The following SMOC1 variants were observed in gnomAD, a reference collection of about 807,000 sequenced individuals.
SMOC1 encodes the protein SPARC related modular calcium binding 1.
A neutral mutation model predicts 56.3 loss-of-function variants in SMOC1; 22 were observed. The ratio of observed to expected loss-of-function variants is 0.39; its 90% CI spans 0.28 to 0.56. The LOEUF (loss-of-function observed/expected upper bound fraction) is 0.56. SMOC1 is among the 20% of genes least tolerant of loss of function. The probability of loss-of-function intolerance (pLI) is 0.61; values close to 1 mark genes in which losing one functional copy is unlikely to be tolerated. For missense variants in SMOC1, 509 were observed against 565.4 expected, an observed-to-expected ratio of 0.90 and a Z score of 1.01; for synonymous variants, 193 against 215.0, an observed-to-expected ratio of 0.90 and a Z score of 0.89.
chr14:70,013,002 G>A (rs1320785380), intron 9 of SMOC1, among the ~76,000 whole-genome samples: 1 of 152,150 alleles, frequency 6.6e-6, no homozygotes, highest in Admixed American at 6.5e-5. Flanking sequence ...CTTACCCCTA[G>A]CACAGTATTT....
Position 70,030,304 on chromosome 14 carries a change from T to C in SMOC1, c.*46T>C. On this transcript the variant is annotated 3_prime_UTR_variant, in exon 12 of 12. Transcript: ENST00000361956. ...AGGTGGAGAGTCCAGGGAGGCAGGA[T>C]GGATCACCAGACACCTAACCTTCAG... The C allele has an allele frequency of 6.2e-7, 1 of 1,612,356 alleles. No homozygotes were observed. Among genetic ancestry groups the C allele is most frequent in the Non-Finnish European group, 8.5e-7 (1 of 1,179,410 alleles).
intron 3 of SMOC1, among the ~76,000 whole-genome samples, chr14:69,969,517 C>G (rs1883684637): frequency 6.6e-6 from 1 of 152,096 alleles, no homozygotes; most frequent in South Asian, 2.1e-4. Flanking sequence ...CTCACAAGAA[C>G]TCACCCGCTG....
intron 1 of SMOC1, among the ~76,000 whole-genome samples, chr14:69,910,488 G>T (rs758746892): frequency 4.6e-5 from 7 of 152,206 alleles, no homozygotes; most frequent in Non-Finnish European, 7.3e-5. Context: ...GGCCAGGCAG[G>T]AGGCATGAAG....
chr14:70,013,318 G>A (rs889834484), intron 9 of SMOC1, 68 bp from the exon 10 acceptor site: 1 of 1,369,598 alleles, frequency 7.3e-7, no homozygotes, highest in African/African-American at 1.4e-5. Context: ...GGAAAGGATG[G>A]TAGTTGAGAA....
At chr14:69,910,232 C>T (rs894000558) in intron 1 of SMOC1, among the ~76,000 whole-genome samples, 5 of 152,238 alleles carry the variant, frequency 3.3e-5, no homozygotes, top group Non-Finnish European at 5.9e-5. Flanking sequence ...TTCCCACTTA[C>T]GATTGAGCAA....
intron 5 of SMOC1, among the ~76,000 whole-genome samples, chr14:69,981,888 G>A (rs1447692850): frequency 6.6e-6 from 1 of 152,204 alleles, no homozygotes; most frequent in Non-Finnish European, 1.5e-5. Context: ...CTGAACACAG[G>A]TTCAGGGGCT....
intron 9 of SMOC1, among the ~76,000 whole-genome samples, chr14:70,013,113 T>C (rs1236898131): frequency 6.6e-6 from 1 of 152,250 alleles, no homozygotes; most frequent in Non-Finnish European, 1.5e-5. Flanking sequence ...TCTGTATCTC[T>C]AGCGTTTAAC....
At chr14:69,902,774 G>A (rs571758392) in intron 1 of SMOC1, among the ~76,000 whole-genome samples, 2 of 152,156 alleles carry the variant, frequency 1.3e-5, no homozygotes, top group African/African-American at 2.4e-5. Flanking sequence ...GCGCCGCCAC[G>A]CCTGACTGGT....
chr14:69,940,270 A>G (rs1157673166), intron 1 of SMOC1, among the ~76,000 whole-genome samples: 1 of 152,132 alleles, frequency 6.6e-6, no homozygotes, highest in Non-Finnish European at 1.5e-5. Context: ...CATCTCACAT[A>G]TCACTGGGTG....
Position 70,010,898 on chromosome 14 carries a change from G to A in SMOC1, c.809G>A (p.Trp270Ter). 6.2e-7 allele frequency: 1 copy of A among 1,613,650 alleles called. No individual in the cohort carries two copies. Among genetic ancestry groups the A allele is most frequent in the Non-Finnish European group, 8.5e-7 (1 of 1,180,030 alleles). The stretch of plus-strand genomic sequence containing the variant: ...TGCCACCAGTCCACTGGCTACTGCT[G>A]GTGTGTGCTGGTGGACACAGGGCGC... ...VQCHQSTGYC[W>*]CVLVDTGRPL... is the part of the protein sequence containing the mutation. The change falls in exon 8 of 12, where the codon TGG becomes TAG. Residue 270 changes from tryptophan to a stop codon, truncating the protein, a stop_gained. Coordinates refer to ENST00000361956, the MANE Select transcript of SMOC1 (RefSeq NM_001034852.3). LOFTEE classifies it high-confidence loss of function.
At chr14:70,013,684 C>G (rs1040382751) in intron 10 of SMOC1, among the ~76,000 whole-genome samples, 193 bp downstream of exon 10, 41 of 152,190 alleles carry the variant, frequency 2.7e-4, no homozygotes, top group African/African-American at 9.9e-4. Context: ...TCTACCTTCC[C>G]TATTCTTTGG....
intron 10 of SMOC1, among the ~76,000 whole-genome samples, chr14:70,021,986 C>T (rs905256978): frequency 1.3e-5 from 2 of 152,196 alleles, no homozygotes. Flanking sequence ...CTTCTGACCT[C>T]TGGTAGTCAT....
chr14:69,998,182 C>T (rs1001857606), intron 7 of SMOC1, among the ~76,000 whole-genome samples: 3 of 152,156 alleles, frequency 2.0e-5, no homozygotes, highest in African/African-American at 4.8e-5. Flanking sequence ...TAGTCAGTGT[C>T]GCCTTTTGAG....
At chr14:69,957,101 G>C (rs765691293) in intron 3 of SMOC1, among the ~76,000 whole-genome samples, 1 of 152,156 alleles carries the variant, frequency 6.6e-6, no homozygotes, top group Non-Finnish European at 1.5e-5. Context: ...TCTGTTCTGG[G>C]TATCTGGAAC....
chr14:70,020,846 A>C (rs767665116), intron 10 of SMOC1, among the ~76,000 whole-genome samples: 9 of 152,206 alleles, frequency 5.9e-5, no homozygotes, highest in Non-Finnish European at 1.3e-4. Flanking sequence ...GGAGGTTGTA[A>C]AGTCAGAAGA....
chr14:69,883,649 T>A (rs1883707018), intron 1 of SMOC1, among the ~76,000 whole-genome samples: 1 of 152,208 alleles, frequency 6.6e-6, no homozygotes. Context: ...TGTCCAGCAG[T>A]GAGATTGCTG....
At chr14:69,883,421 C>A (rs1246834756) in intron 1 of SMOC1, among the ~76,000 whole-genome samples, 3 of 152,158 alleles carry the variant, frequency 2.0e-5, no homozygotes, top group Non-Finnish European at 4.4e-5. Context: ...TTCTTAACGT[C>A]CTCCAGGTTC....
rs1015989218 is a variant in SMOC1 at position 70,030,106 on chromosome 14, G to A, written c.1292-136G>A. 106 of 1,289,508 alleles carry A rather than the reference G, an allele frequency of 8.2e-5. No homozygotes were observed. In the East Asian group the frequency reaches 2.3e-3, roughly 28 times the overall value. 79.9% of individuals were successfully genotyped at this position (1,289,508 alleles called of 1,614,324 possible). On this transcript the variant is annotated intron_variant, in intron 11 of 11. Transcript: ENST00000361956. ...GCCCCACCTAGCCTCATAGAGGACAGCAGGTGGAAAAGGCTGCACTTGTGG... is the reference window on the plus strand; with the variant it reads ...GCCCCACCTAGCCTCATAGAGGACAACAGGTGGAAAAGGCTGCACTTGTGG...
chr14:69,906,302 A>C lies in SMOC1; in HGVS notation c.99+26525A>C, dbSNP rs538659697. On this transcript the variant is annotated intron_variant, in intron 1 of 11. Transcript: ENST00000361956. ...TACAGCTTTTGCTGGTTTTCCTAGG[A>C]CATTCACCTTTGGAGCCCTGAGCCA... Among the ~76,000 whole-genome samples, 643 of 152,302 alleles carry C rather than the reference A, an allele frequency of 4.2e-3. 4 individuals are homozygous for C. The highest frequency in any genetic ancestry group is 5.8e-3 in the Non-Finnish European group (393 of 68,026).
Sources: gnomAD v4.1 joint callset for allele counts (sites outside exome capture counted in the v4.1 genomes callset) on GRCh38, gnomAD v4.1.1 for gene constraint, MANE v1.5 for transcripts, NCBI Gene and HGNC (gene_info 2026-07-23, HGNC 2026-07-21) for gene names.